Variants in A1CF observed in about 807,000 individuals in gnomAD.
A1CF encodes APOBEC1 complementation factor.
A neutral mutation model predicts 68.9 loss-of-function variants in A1CF; 48 were observed. The observed-to-expected ratio is 0.70, with a 90% CI of 0.55 to 0.89. The LOEUF (loss-of-function observed/expected upper bound fraction) is 0.89. A1CF is among the 40% of genes least tolerant of loss of function. The pLI is 0.00. For missense variants in A1CF, 653 were observed against 718.9 expected (o/e 0.91, Z 1.05); for synonymous variants, 272 against 260.4 (o/e 1.04, Z -0.43).
intron 3 of A1CF, among the ~76,000 whole-genome samples, chr10:50,847,660 T>G (rs1033223092): frequency 6.6e-6 from 1 of 152,206 alleles, no homozygotes. Context: ...CCTATAGAAC[T>G]TAAAAATGAC....
chr10:50,857,053 AG>A (rs914381298), intron 3 of A1CF, among the ~76,000 whole-genome samples: 8 of 152,252 alleles, frequency 5.3e-5, no homozygotes, highest in African/African-American at 1.7e-4. Context: ...ATTATTTGAA[AG>A]GTTTCTTCAT....
chr10:50,846,890 G>A (rs1306789526), intron 3 of A1CF, among the ~76,000 whole-genome samples: 1 of 152,146 alleles, frequency 6.6e-6, no homozygotes, highest in Non-Finnish European at 1.5e-5. Context: ...TCACTCAGTA[G>A]GGGAGATTTG....
At chr10:50,859,799 G>A (rs1324770061) in intron 3 of A1CF, 43 bp downstream of exon 3, 2 of 1,539,886 alleles carry the variant, frequency 1.3e-6, no homozygotes, top group Non-Finnish European at 1.8e-6. Flanking sequence ...CCACCACTGT[G>A]CAAATTCAGT....
At chr10:50,847,965 C>A (rs115059517) in intron 3 of A1CF, among the ~76,000 whole-genome samples, 402 of 152,248 alleles carry the variant, frequency 2.6e-3, no homozygotes, top group African/African-American at 9.2e-3. Context: ...TTAATAAACT[C>A]TTTTATACTT....
chr10:50,814,088 T>G, intron 9 of A1CF, 50 bp from the exon 10 acceptor site: 1 of 1,597,580 alleles, frequency 6.3e-7, no homozygotes, highest in Non-Finnish European at 8.6e-7. Flanking sequence ...GGCATTAAAC[T>G]GAATCAAACC....
At chr10:50,812,034 A>G (rs1838138125) in intron 10 of A1CF, among the ~76,000 whole-genome samples, 1 of 152,228 alleles carries the variant, frequency 6.6e-6, no homozygotes, top group African/African-American at 2.4e-5. Context: ...TAACTAACCC[A>G]GCTGCAATAG....
intron 8 of A1CF, among the ~76,000 whole-genome samples, chr10:50,819,124 C>G (rs1838514584): frequency 6.6e-6 from 1 of 152,114 alleles, no homozygotes; most frequent in Non-Finnish European, 1.5e-5. Context: ...TCTTTCTTTT[C>G]TCTTTTCTTT....
chr10:50,821,878 G>C (rs1260187859), intron 7 of A1CF, among the ~76,000 whole-genome samples: 1 of 152,032 alleles, frequency 6.6e-6, no homozygotes, highest in African/African-American at 2.4e-5. Context: ...AAAATAGTAA[G>C]TACAATATTA....
At chr10:50,844,931 C>T (rs1237509346) in intron 3 of A1CF, among the ~76,000 whole-genome samples, 1 of 152,056 alleles carries the variant, frequency 6.6e-6, no homozygotes, top group Non-Finnish European at 1.5e-5. Flanking sequence ...TCATATACAC[C>T]AACTTGAGTC....
intron 10 of A1CF, 134 bp from the exon 11 acceptor site, chr10:50,811,310 G>C (rs975183674): frequency 8.4e-6 from 7 of 829,672 alleles, no homozygotes; most frequent in African/African-American, 6.9e-5. Flanking sequence ...ATGATTTAAT[G>C]ACTCATAAAA....
intron 10 of A1CF, among the ~76,000 whole-genome samples, chr10:50,811,477 T>C (rs1432515008): frequency 1.3e-5 from 2 of 152,224 alleles, no homozygotes; most frequent in East Asian, 1.9e-4. Context: ...GGAATATTTG[T>C]TTTTGTAAAA....
At chr10:50,819,827 A>T (rs1736265410) in intron 8 of A1CF, among the ~76,000 whole-genome samples, 1 of 152,114 alleles carries the variant, frequency 6.6e-6, no homozygotes, top group Non-Finnish European at 1.5e-5. Context: ...AAGATGTTTT[A>T]TTCTTTATAG....
intron 12 of A1CF, among the ~76,000 whole-genome samples, chr10:50,807,769 G>C (rs888920416): frequency 6.6e-6 from 1 of 152,178 alleles, no homozygotes; most frequent in Non-Finnish European, 1.5e-5. Flanking sequence ...AAGAAAAAGA[G>C]AGAAGTATAC....
At chr10:50,812,524 C>T (rs1588965724) in intron 10 of A1CF, among the ~76,000 whole-genome samples, 1 of 152,152 alleles carries the variant, frequency 6.6e-6, no homozygotes, top group East Asian at 1.9e-4. Context: ...TATTGCAGCT[C>T]TCGGAACTAT....
intron 1 of A1CF, among the ~76,000 whole-genome samples, chr10:50,878,304 C>T (rs1173701914): frequency 6.6e-6 from 1 of 152,160 alleles, no homozygotes; most frequent in East Asian, 1.9e-4. Flanking sequence ...TCTAGTAAAG[C>T]ATTTTGTAAT....
intron 3 of A1CF, among the ~76,000 whole-genome samples, chr10:50,844,954 A>G (rs749183762): frequency 1.3e-5 from 2 of 152,170 alleles, no homozygotes; most frequent in African/African-American, 2.4e-5. Context: ...TCTCAATTAT[A>G]TTTTGTAAGT....
Position 50,813,738 on chromosome 10 carries a change from A to G in A1CF, c.1323+119T>C, listed in dbSNP as rs1052201747. 5.9e-5 allele frequency: 58 copies of G among 985,214 alleles called. 4 individuals are homozygous for G. Among genetic ancestry groups the G allele is most frequent in the Non-Finnish European group, 6.2e-5 (41 of 663,510 alleles). 61.0% of individuals were successfully genotyped at this position (985,214 alleles called of 1,614,324 possible). On this transcript the variant is annotated intron_variant, in intron 10 of 12. Transcript: ENST00000373997. Reference sequence around the variant, plus strand: ...GACTGTGACATTCATTGGATGCTTTATATATTAAAAGAAAAAAACCCATAG... The same window carrying G: ...GACTGTGACATTCATTGGATGCTTTGTATATTAAAAGAAAAAAACCCATAG...
intron 3 of A1CF, chr10:50,850,915 T>C (rs1057421873): frequency 3.1e-6 from 4 of 1,304,090 alleles, no homozygotes; most frequent in Non-Finnish European, 4.1e-6. Flanking sequence ...AACTTTTTTG[T>C]TTACTTACAA....
intron 8 of A1CF, among the ~76,000 whole-genome samples, chr10:50,819,563 C>T (rs903457042): frequency 6.6e-6 from 1 of 152,176 alleles, no homozygotes; most frequent in Admixed American, 6.6e-5. Flanking sequence ...CTAGTCCCCA[C>T]TCGCACTTTT....
Sources: gnomAD v4.1 joint callset for allele counts (sites outside exome capture counted in the v4.1 genomes callset) on GRCh38, gnomAD v4.1.1 for gene constraint, MANE v1.5 for transcripts, NCBI Gene and HGNC (gene_info 2026-07-23, HGNC 2026-07-21) for gene names.